SLC25A21: variants seen among roughly 807,000 people sequenced by gnomAD.
SLC25A21 encodes solute carrier family 25 member 21.
SLC25A21 carries 47 observed loss-of-function variants against 43.8 expected under a neutral mutation model. The ratio of observed to expected loss-of-function variants is 1.07; its 90% CI spans 0.85 to 1.37. The LOEUF (loss-of-function observed/expected upper bound fraction) is 1.37, where lower values mean the gene tolerates loss of function less well. Among genes scored for constraint, SLC25A21 ranks in the 40% most tolerant of loss-of-function variants. The pLI, the probability that SLC25A21 is intolerant of heterozygous loss-of-function variation, is 0.00. For missense variants in SLC25A21, 352 were observed against 350.2 expected (o/e 1.00, Z -0.04); for synonymous variants, 131 against 121.3 (o/e 1.08, Z -0.52).
intron 1 of SLC25A21, among the ~76,000 whole-genome samples, chr14:36,920,187 T>G (rs1891942726): frequency 6.6e-6 from 1 of 152,058 alleles, no homozygotes; most frequent in Non-Finnish European, 1.5e-5. Context: ...TCTCTTAATC[T>G]CTATCCTATT....
rs984421715 is a variant in SLC25A21 at position 37,172,573 on chromosome 14, C to G, written c.-223G>C. 1 of 701,256 alleles carries G rather than the reference C, an allele frequency of 1.4e-6. No individual in the cohort carries two copies. The highest frequency in any genetic ancestry group is 1.5e-5 in the South Asian group (1 of 66,780). 43.4% of individuals were successfully genotyped at this position (701,256 alleles called of 1,614,324 possible). ...CCTGTTCGCAGCGCTCTCGCAGAGGCGCCCTCGGCTCCGAAAATGTCTCTG... is the reference window on the plus strand; with the variant it reads ...CCTGTTCGCAGCGCTCTCGCAGAGGGGCCCTCGGCTCCGAAAATGTCTCTG... On this transcript the variant is annotated 5_prime_UTR_variant, in exon 1 of 10. Coordinates refer to ENST00000331299, the MANE Select transcript of SLC25A21 (RefSeq NM_030631.4).
chr14:36,773,777 A>G (rs1182004528), intron 3 of SLC25A21, among the ~76,000 whole-genome samples: 1 of 152,220 alleles, frequency 6.6e-6, no homozygotes, highest in African/African-American at 2.4e-5. Flanking sequence ...AGAGAAGTTA[A>G]ATAACTTACC....
At chr14:36,737,630 C>G (rs933998353) in intron 3 of SLC25A21, among the ~76,000 whole-genome samples, 1 of 152,156 alleles carries the variant, frequency 6.6e-6, no homozygotes, top group Admixed American at 6.5e-5. Context: ...AGGTCAGCAC[C>G]GCTTCTGCTG....
Position 36,999,902 on chromosome 14 carries a change from G to A in SLC25A21, c.71-124898C>T, listed in dbSNP as rs553056451. 1.1e-4 allele frequency among the ~76,000 whole-genome samples: 16 copies of A among 152,082 alleles called. No individual in the cohort carries two copies. In the South Asian group the frequency reaches 2.7e-3, roughly 26 times the overall value. On this transcript the variant is annotated intron_variant, in intron 1 of 9. Coordinates refer to ENST00000331299, the MANE Select transcript of SLC25A21 (RefSeq NM_030631.4). ...CTTCTTACCCTTGAATGAAAACTTC[G>A]CAAGGAAAGAGATTTGTGTCATCCC...
chr14:36,686,246 C>T (rs1313637106), intron 7 of SLC25A21, among the ~76,000 whole-genome samples: 1 of 152,044 alleles, frequency 6.6e-6, no homozygotes, highest in African/African-American at 2.4e-5. Flanking sequence ...ATACAGGTGC[C>T]GGGGAGGTTT....
At chr14:36,838,885 T>C (rs917386247) in intron 2 of SLC25A21, among the ~76,000 whole-genome samples, 1 of 152,236 alleles carries the variant, frequency 6.6e-6, no homozygotes, top group Admixed American at 6.5e-5. Context: ...CCAGTACATC[T>C]ACCAGCCTCT....
intron 1 of SLC25A21, among the ~76,000 whole-genome samples, chr14:36,933,393 CAG>C (rs1892341988): frequency 6.6e-6 from 1 of 152,090 alleles, no homozygotes; most frequent in Non-Finnish European, 1.5e-5. Flanking sequence ...CAGTACCAGA[CAG>C]AGACATTTCC....
At chr14:36,986,397 C>T (rs2138706692) in intron 1 of SLC25A21, among the ~76,000 whole-genome samples, 1 of 152,250 alleles carries the variant, frequency 6.6e-6, no homozygotes, top group East Asian at 1.9e-4. Flanking sequence ...AACCAGTTTC[C>T]TGACCCTATT....
intron 1 of SLC25A21, among the ~76,000 whole-genome samples, chr14:37,058,887 A>G (rs906594787): frequency 1.3e-5 from 2 of 152,184 alleles, no homozygotes; most frequent in Non-Finnish European, 2.9e-5. Context: ...TCAGATGAAC[A>G]TAAGTGGCAT....
chr14:37,067,190 A>T (rs1232081534), intron 1 of SLC25A21, among the ~76,000 whole-genome samples: 2 of 152,156 alleles, frequency 1.3e-5, no homozygotes, highest in African/African-American at 4.8e-5. Context: ...AAATATAACA[A>T]TCGCAAATTT....
intron 1 of SLC25A21, among the ~76,000 whole-genome samples, chr14:37,148,961 AT>A (rs1439529589): frequency 6.6e-6 from 1 of 152,194 alleles, no homozygotes; most frequent in African/African-American, 2.4e-5. Flanking sequence ...TCCAAATTGA[AT>A]GAACAAATGA....
chr14:36,779,607 TAC>T (rs1158854262), intron 3 of SLC25A21, among the ~76,000 whole-genome samples: 2 of 48,864 alleles, frequency 4.1e-5, no homozygotes, highest in Admixed American at 3.6e-4. Flanking sequence ...TATATGTGTA[TAC>T]ATATATATAT....
intron 1 of SLC25A21, among the ~76,000 whole-genome samples, chr14:37,026,375 T>G (rs1240669079): frequency 6.6e-6 from 1 of 152,148 alleles, no homozygotes; most frequent in East Asian, 1.9e-4. Flanking sequence ...GCTGGTAATT[T>G]CCCAAATGTC....
intron 7 of SLC25A21, among the ~76,000 whole-genome samples, chr14:36,708,026 C>G (rs574898807): frequency 2.0e-5 from 3 of 152,130 alleles, no homozygotes; most frequent in African/African-American, 7.2e-5. Flanking sequence ...ACTCAGCAGT[C>G]TGAGGTGGGA....
chr14:37,016,721 T>A (rs1960864916), intron 1 of SLC25A21, among the ~76,000 whole-genome samples: 1 of 152,114 alleles, frequency 6.6e-6, no homozygotes, highest in Non-Finnish European at 1.5e-5. Context: ...TAAAAGGCTG[T>A]TTCATCTACA....
At chr14:37,072,613 G>A (rs548244292) in intron 1 of SLC25A21, among the ~76,000 whole-genome samples, 48 of 152,270 alleles carry the variant, frequency 3.2e-4, no homozygotes, top group Admixed American at 1.4e-3. Flanking sequence ...TGGGCGTGGT[G>A]GTGCACACCT....
intron 6 of SLC25A21, among the ~76,000 whole-genome samples, chr14:36,721,891 G>T (rs1452059671): frequency 1.3e-5 from 2 of 152,148 alleles, no homozygotes; most frequent in African/African-American, 4.8e-5. Flanking sequence ...CATTACTTTT[G>T]AAAGTAAATG....
rs557265181 is a variant in SLC25A21 at position 36,828,983 on chromosome 14, C to A, written c.120-14982G>T. ...GTGGTGAAATCTCACCTCACTGCAA[C>A]CTCCACCTCATGGGCTCAAACGATT... On this transcript the variant is annotated intron_variant, in intron 2 of 9. Coordinates refer to ENST00000331299, the MANE Select transcript of SLC25A21 (RefSeq NM_030631.4). Among the ~76,000 whole-genome samples the A allele has an allele frequency of 4.1e-4, 62 of 152,256 alleles. No homozygotes were observed. In the South Asian group the frequency reaches 7.9e-3, roughly 19 times the overall value.
At chr14:36,988,924 C>T (rs1960203807) in intron 1 of SLC25A21, among the ~76,000 whole-genome samples, 1 of 152,150 alleles carries the variant, frequency 6.6e-6, no homozygotes, top group Admixed American at 6.5e-5. Flanking sequence ...GGATGAAAAT[C>T]TAGAATTATA....
Sources: gnomAD v4.1 joint callset for allele counts (sites outside exome capture counted in the v4.1 genomes callset) on GRCh38, gnomAD v4.1.1 for gene constraint, MANE v1.5 for transcripts, NCBI Gene and HGNC (gene_info 2026-07-23, HGNC 2026-07-21) for gene names.